EIPR1: variants seen among roughly 807,000 people sequenced by gnomAD.
EIPR1 encodes EARP and GARP complex-interacting protein 1.
EIPR1 carries 25 observed loss-of-function variants against 48.1 expected under a neutral mutation model. That is an observed-to-expected ratio of 0.52 (90% CI 0.38 to 0.73). The LOEUF (loss-of-function observed/expected upper bound fraction) is 0.73. EIPR1 is among the 30% of genes least tolerant of loss of function. EIPR1 has a pLI of 0.00. For missense variants in EIPR1, 415 were observed against 506.2 expected (o/e 0.82, Z 1.73); for synonymous variants, 204 against 201.9 (o/e 1.01, Z -0.09).
At chr2:3,288,637 G>T (rs1159240612) in intron 3 of EIPR1, among the ~76,000 whole-genome samples, 2 of 152,212 alleles carry the variant, frequency 1.3e-5, no homozygotes, top group Non-Finnish European at 2.9e-5. Context: ...AGTTCCTCGG[G>T]CATCAGAGGG....
intron 5 of EIPR1, among the ~76,000 whole-genome samples, chr2:3,209,752 G>C (rs1301010974): frequency 6.6e-6 from 1 of 152,194 alleles, no homozygotes; most frequent in Non-Finnish European, 1.5e-5. Context: ...TTATTACTAA[G>C]GGACAGAAAC....
At chr2:3,215,345 G>T (rs965627722) in intron 4 of EIPR1, among the ~76,000 whole-genome samples, 5 of 152,196 alleles carry the variant, frequency 3.3e-5, no homozygotes, top group Non-Finnish European at 5.9e-5. Context: ...GAGATGGGAG[G>T]ACAGAGCTTA....
intron 5 of EIPR1, among the ~76,000 whole-genome samples, chr2:3,211,188 C>T (rs1244898738): frequency 6.6e-6 from 1 of 152,152 alleles, no homozygotes; most frequent in Non-Finnish European, 1.5e-5. Flanking sequence ...AATGAATCCA[C>T]CCATGGGCAC....
chr2:3,362,231 G>T (rs1572485938), intron 1 of EIPR1, among the ~76,000 whole-genome samples: 1 of 151,778 alleles, frequency 6.6e-6, no homozygotes, highest in South Asian at 2.1e-4. Flanking sequence ...ACACACAGGG[G>T]TGAGCCCCTT....
intron 3 of EIPR1, among the ~76,000 whole-genome samples, chr2:3,270,009 A>G (rs1667655895): frequency 6.6e-6 from 1 of 152,256 alleles, no homozygotes; most frequent in Non-Finnish European, 1.5e-5. Context: ...TGTCTCTGAC[A>G]ACAACTGGTA....
At chr2:3,351,301 T>C (rs894660057) in intron 2 of EIPR1, among the ~76,000 whole-genome samples, 7 of 152,186 alleles carry the variant, frequency 4.6e-5, no homozygotes, top group Non-Finnish European at 1.0e-4. Flanking sequence ...ACACCTGGCC[T>C]CTTCTTATTT....
At chr2:3,329,164 CAGGCTCTA>C (rs1669804491) in intron 3 of EIPR1, among the ~76,000 whole-genome samples, 1 of 149,314 alleles carries the variant, frequency 6.7e-6, no homozygotes, top group African/African-American at 2.5e-5. Context: ...GCCCACCCAC[CAGGCTCTA>C]ATGATCTCAG....
intron 3 of EIPR1, among the ~76,000 whole-genome samples, chr2:3,281,129 C>T (rs370832707): frequency 3.1e-4 from 47 of 152,300 alleles, no homozygotes; most frequent in African/African-American, 1.1e-3. Flanking sequence ...ACACCACACT[C>T]CCTGGTCTTT....
intron 2 of EIPR1, among the ~76,000 whole-genome samples, chr2:3,339,868 T>C (rs562904179): frequency 2.6e-5 from 4 of 152,186 alleles, no homozygotes; most frequent in Non-Finnish European, 5.9e-5. Context: ...GAGAATGGCG[T>C]GAACCCGGGA....
At chr2:3,363,803 C>CAAAAAAAAAAAAAAA (rs372598069) in intron 1 of EIPR1, among the ~76,000 whole-genome samples, 1 of 132,556 alleles carries the variant, frequency 7.5e-6, no homozygotes. Context: ...AACTCAACAG[C>CAAAAAAAAAAAAAAA]AAAAAAAAAA....
At chr2:3,305,482 CGT>C (rs1558286901) in intron 3 of EIPR1, among the ~76,000 whole-genome samples, 1 of 150,666 alleles carries the variant, frequency 6.6e-6, no homozygotes, top group Non-Finnish European at 1.5e-5. Context: ...CCTCCACTCC[CGT>C]CAGTTCAGCC....
intron 3 of EIPR1, among the ~76,000 whole-genome samples, chr2:3,296,104 C>G (rs1319483117): frequency 7.4e-6 from 1 of 134,720 alleles, no homozygotes; most frequent in Non-Finnish European, 1.6e-5. Flanking sequence ...CCCATCCTCT[C>G]TACACACACA....
intron 3 of EIPR1, chr2:3,319,274 T>C: frequency 3.4e-6 from 1 of 293,454 alleles, no homozygotes; most frequent in Non-Finnish European, 6.8e-6. Flanking sequence ...GCTCTGGAAG[T>C]GCGCTGTGTG....
intron 5 of EIPR1, among the ~76,000 whole-genome samples, chr2:3,206,561 A>T (rs1445093589): frequency 6.6e-6 from 1 of 152,228 alleles, no homozygotes; most frequent in Admixed American, 6.5e-5. Flanking sequence ...ACTTATTTTT[A>T]GTTTATTTCT....
intron 3 of EIPR1, among the ~76,000 whole-genome samples, chr2:3,328,031 C>T (rs781493298): frequency 6.6e-6 from 1 of 152,010 alleles, no homozygotes; most frequent in Non-Finnish European, 1.5e-5. Context: ...AAAGAGCTCC[C>T]GATGTGTAGA....
intron 3 of EIPR1, among the ~76,000 whole-genome samples, chr2:3,269,561 G>A (rs111206507): frequency 0.1 from 8,678 of 85,254 alleles, 2,158 homozygotes; most frequent in East Asian, 0.22. Flanking sequence ...ATCGCACTCA[G>A]TCATCGCACT....
At chr2:3,242,838 G>T (rs189366950) in intron 4 of EIPR1, among the ~76,000 whole-genome samples, 4 of 152,274 alleles carry the variant, frequency 2.6e-5, no homozygotes, top group South Asian at 2.1e-4. Flanking sequence ...TGGCAATGTG[G>T]TTAATTTCTT....
intron 3 of EIPR1, among the ~76,000 whole-genome samples, chr2:3,292,339 G>T (rs1341565494): frequency 1.3e-5 from 2 of 152,086 alleles, no homozygotes; most frequent in African/African-American, 4.8e-5. Flanking sequence ...ACAGGCCCCA[G>T]ATACTTCCCC....
At chr2:3,260,343 T>C (rs1244594274) in intron 3 of EIPR1, among the ~76,000 whole-genome samples, 5 of 151,986 alleles carry the variant, frequency 3.3e-5, no homozygotes, top group Admixed American at 3.3e-4. Context: ...ATATAAAAAT[T>C]AGCTGGGCAT....
Sources: allele counts gnomAD v4.1 joint callset (sites outside exome capture counted in the v4.1 genomes callset), GRCh38; gene constraint gnomAD v4.1.1; transcripts MANE v1.5; gene names NCBI Gene and HGNC (gene_info 2026-07-23, HGNC 2026-07-21).